KCNH8: variants seen among roughly 807,000 people sequenced by gnomAD.
KCNH8 encodes the protein voltage-gated delayed rectifier potassium channel KCNH8.
KCNH8 carries 70 observed loss-of-function variants against 103.6 expected under a neutral mutation model. That is an observed-to-expected ratio of 0.68 (90% CI 0.56 to 0.82). The LOEUF is 0.82. Ranked by LOEUF, KCNH8 falls within the 40% of genes least tolerant of loss-of-function variation. KCNH8 has a pLI of 0.00. For synonymous variants in KCNH8, 498 were observed against 489.4 expected (o/e 1.02, Z -0.23); for missense variants, 1,217 against 1,329.9 (o/e 0.92, Z 1.32).
chr3:19,394,723 G>A (rs2125133719), intron 6 of KCNH8, among the ~76,000 whole-genome samples: 1 of 152,006 alleles, frequency 6.6e-6, no homozygotes, highest in Non-Finnish European at 1.5e-5. Flanking sequence ...CATTACACAG[G>A]GAAGGGAATG....
At chr3:19,187,375 A>G (rs1226974737) in intron 1 of KCNH8, among the ~76,000 whole-genome samples, 1 of 152,026 alleles carries the variant, frequency 6.6e-6, no homozygotes, top group African/African-American at 2.4e-5. Flanking sequence ...TATAATATAA[A>G]TAAATAATTG....
At chr3:19,470,194 T>A (rs1204118016) in intron 11 of KCNH8, among the ~76,000 whole-genome samples, 1 of 152,134 alleles carries the variant, frequency 6.6e-6, no homozygotes, top group Admixed American at 6.6e-5. Context: ...GACATTCAAC[T>A]CAAATATAGC....
intron 15 of KCNH8, among the ~76,000 whole-genome samples, chr3:19,530,602 A>G (rs1270290078): frequency 6.6e-6 from 1 of 152,182 alleles, no homozygotes. Context: ...GTTTGCTATG[A>G]AGATATTTTA....
At chr3:19,374,786 G>T (rs534535725) in intron 5 of KCNH8, among the ~76,000 whole-genome samples, 1 of 152,124 alleles carries the variant, frequency 6.6e-6, no homozygotes, top group South Asian at 2.1e-4. Context: ...AGGAGCTCTT[G>T]TAAGGCAGGC....
chr3:19,365,318 C>T (rs1429367524), intron 5 of KCNH8, among the ~76,000 whole-genome samples: 1 of 152,040 alleles, frequency 6.6e-6, no homozygotes, highest in Non-Finnish European at 1.5e-5. Context: ...TTAAATCTTT[C>T]TGTGTGTTGT....
At chr3:19,255,155 C>T (rs1286753201) in intron 2 of KCNH8, among the ~76,000 whole-genome samples, 1 of 152,084 alleles carries the variant, frequency 6.6e-6, no homozygotes, top group Non-Finnish European at 1.5e-5. Context: ...GAAAATACAG[C>T]AGGAAGGCAG....
At chr3:19,214,137 C>T (rs1461525961) in intron 1 of KCNH8, among the ~76,000 whole-genome samples, 1 of 152,198 alleles carries the variant, frequency 6.6e-6, no homozygotes, top group Middle Eastern at 3.2e-3. Context: ...TCTGGCCTGG[C>T]CATACCTATG....
intron 8 of KCNH8, among the ~76,000 whole-genome samples, chr3:19,445,999 AT>A (rs879721281): frequency 1.3e-5 from 2 of 151,946 alleles, no homozygotes; most frequent in African/African-American, 4.8e-5. Flanking sequence ...TGTTATTTCT[AT>A]TTTTTTCTAT....
rs1004864224 is a variant in KCNH8, at chr3:19,531,524, T to G, written c.2620-1871T>G. Among the ~76,000 whole-genome samples, 10 of 152,198 alleles carry G rather than the reference T, an allele frequency of 6.6e-5. No individual in the cohort carries two copies. In the East Asian group the frequency reaches 1.9e-3, roughly 29 times the overall value. ...TGAAAAGCCTGGACAAGTATTCAGT[T>G]GAATCCCTTGAGTTTCATGCCAGCA... On this transcript the variant is annotated intron_variant, in intron 15 of 15. Coordinates refer to ENST00000328405, the MANE Select transcript of KCNH8 (RefSeq NM_144633.3).
Position 19,267,868 on chromosome 3 carries a change from T to G in KCNH8, c.311-13330T>G, listed in dbSNP as rs151201870. 2.0e-3 allele frequency among the ~76,000 whole-genome samples: 307 copies of G among 152,250 alleles called. 7 individuals are homozygous for G. In the East Asian group the frequency reaches 0.055, roughly 27 times the overall value. ...AACTTCAACTTCCCGAGCCTCAGTT[T>G]TCTCTTCTGTAATATGGCAATAACA... is the stretch of plus-strand genomic sequence containing the variant. On this transcript the variant is annotated intron_variant, in intron 2 of 15. Transcript: ENST00000328405.
intron 7 of KCNH8, among the ~76,000 whole-genome samples, chr3:19,403,776 A>G (rs1046542237): frequency 2.0e-5 from 3 of 151,868 alleles, no homozygotes; most frequent in African/African-American, 7.2e-5. Flanking sequence ...AGGATAAAAA[A>G]GTGTTAAGCA....
chr3:19,152,650 T>C (rs1020536702), intron 1 of KCNH8, among the ~76,000 whole-genome samples: 2 of 152,184 alleles, frequency 1.3e-5, no homozygotes, highest in African/African-American at 2.4e-5. Context: ...TTTGTTAAAA[T>C]TGATGCTGGG....
intron 5 of KCNH8, among the ~76,000 whole-genome samples, chr3:19,371,383 T>C (rs1277585554): frequency 2.0e-5 from 3 of 151,614 alleles, no homozygotes; most frequent in Admixed American, 1.3e-4. Flanking sequence ...TTTTTTCATG[T>C]GTTTTTTGGC....
chr3:19,394,679 T>C (rs2066488454), intron 6 of KCNH8, among the ~76,000 whole-genome samples: 1 of 152,046 alleles, frequency 6.6e-6, no homozygotes, highest in Non-Finnish European at 1.5e-5. Flanking sequence ...TGCCTTTACT[T>C]CAATTTGTCT....
intron 1 of KCNH8, among the ~76,000 whole-genome samples, chr3:19,199,150 T>A (rs939288065): frequency 6.6e-6 from 1 of 152,170 alleles, no homozygotes; most frequent in African/African-American, 2.4e-5. Context: ...TTGTACTGTG[T>A]CATCCTACTA....
chr3:19,480,105 G>C (rs1357278467), intron 11 of KCNH8, among the ~76,000 whole-genome samples: 1 of 152,094 alleles, frequency 6.6e-6, no homozygotes, highest in Non-Finnish European at 1.5e-5. Flanking sequence ...TGTAAATTCT[G>C]ACCTATGCAC....
At chr3:19,443,009 C>A (rs898404058) in intron 8 of KCNH8, among the ~76,000 whole-genome samples, 3 of 151,742 alleles carry the variant, frequency 2.0e-5, no homozygotes, top group African/African-American at 7.3e-5. Context: ...CTAAAATATT[C>A]ATTTTATTAT....
intron 15 of KCNH8, among the ~76,000 whole-genome samples, chr3:19,527,264 T>TTATC (rs2069081623): frequency 6.6e-6 from 1 of 152,062 alleles, no homozygotes; most frequent in African/African-American, 2.4e-5. Flanking sequence ...TGGGAATGGC[T>TTATC]TATCTCTCCA....
intron 10 of KCNH8, among the ~76,000 whole-genome samples, chr3:19,455,202 G>C (rs1435647600): frequency 1.3e-5 from 2 of 152,020 alleles, no homozygotes; most frequent in African/African-American, 4.8e-5. Context: ...TTTGTTATGG[G>C]GCTAGAATGT....
Sources: allele counts gnomAD v4.1 joint callset (sites outside exome capture counted in the v4.1 genomes callset), GRCh38; gene constraint gnomAD v4.1.1; transcripts MANE v1.5; gene names NCBI Gene and HGNC (gene_info 2026-07-23, HGNC 2026-07-21).